VPS13B: variants seen among roughly 807,000 people sequenced by gnomAD.
The protein encoded by VPS13B is intermembrane lipid transfer protein VPS13B.
In VPS13B, 285 loss-of-function variants were observed where a neutral mutation model predicts 426.4. The observed-to-expected ratio is 0.67, with a 90% CI of 0.61 to 0.74. VPS13B has a LOEUF of 0.74. Ranked by LOEUF, VPS13B falls within the 30% of genes least tolerant of loss-of-function variation. VPS13B has a pLI of 0.00. For missense variants in VPS13B, 4,537 were observed against 4,782.6 expected (o/e 0.95, Z 1.51); for synonymous variants, 1,676 against 1,676.4 (o/e 1.00, Z 0.01).
chr8:99,208,483 C>G (rs777190042), intron 17 of VPS13B, among the ~76,000 whole-genome samples: 3 of 151,850 alleles, frequency 2.0e-5, no homozygotes, highest in Non-Finnish European at 4.4e-5. Context: ...CTGATTCTAT[C>G]TTTTTATAGT....
At chr8:99,439,181 T>G (rs1223637888) in intron 22 of VPS13B, among the ~76,000 whole-genome samples, 2 of 152,160 alleles carry the variant, frequency 1.3e-5, no homozygotes, top group African/African-American at 4.8e-5. Flanking sequence ...GAAGCAATTA[T>G]TTTCATTACC....
chr8:99,737,173 T>G (rs1476295121), intron 39 of VPS13B, among the ~76,000 whole-genome samples: 2 of 120,412 alleles, frequency 1.7e-5, no homozygotes, highest in Non-Finnish European at 3.2e-5. Context: ...CAGGCTGGAG[T>G]GCAGGGGCGC....
chr8:99,816,658 G>A (rs1429782900), intron 44 of VPS13B, among the ~76,000 whole-genome samples: 1 of 151,944 alleles, frequency 6.6e-6, no homozygotes, highest in Non-Finnish European at 1.5e-5. Context: ...ACAAAAGTTA[G>A]CGAGGTGGGG....
chr8:99,593,089 T>G (rs779141506), intron 33 of VPS13B, among the ~76,000 whole-genome samples: 9 of 152,142 alleles, frequency 5.9e-5, no homozygotes, highest in Non-Finnish European at 8.8e-5. Context: ...AAGGAACTTC[T>G]GCACAGCAAT....
At chr8:99,231,443 C>A (rs1816318137) in intron 17 of VPS13B, among the ~76,000 whole-genome samples, 1 of 152,234 alleles carries the variant, frequency 6.6e-6, no homozygotes, top group South Asian at 2.1e-4. Flanking sequence ...ATGGCACATA[C>A]CCTATTAAAA....
At chr8:99,216,281 C>T (rs565603425) in intron 17 of VPS13B, among the ~76,000 whole-genome samples, 1 of 152,206 alleles carries the variant, frequency 6.6e-6, no homozygotes, top group Non-Finnish European at 1.5e-5. Flanking sequence ...CTGTGTTATT[C>T]ACTTTTCCTG....
intron 21 of VPS13B, among the ~76,000 whole-genome samples, chr8:99,414,043 T>C (rs1815846157): frequency 6.6e-6 from 1 of 152,200 alleles, no homozygotes; most frequent in African/African-American, 2.4e-5. Flanking sequence ...AGTGTCCCAC[T>C]ATTATTGTGT....
intron 21 of VPS13B, among the ~76,000 whole-genome samples, chr8:99,410,727 C>T (rs545248871): frequency 3.3e-5 from 5 of 152,204 alleles, no homozygotes; most frequent in South Asian, 2.1e-4. Flanking sequence ...TCCCACCCCA[C>T]GATGGGGGCC....
intron 30 of VPS13B, among the ~76,000 whole-genome samples, chr8:99,536,446 A>G (rs1473125532): frequency 6.6e-6 from 1 of 152,176 alleles, no homozygotes; most frequent in Admixed American, 6.5e-5. Flanking sequence ...CCTAGCATAT[A>G]CCCTAATAAC....
chr8:99,374,384 T>A (rs1260436646), intron 19 of VPS13B, among the ~76,000 whole-genome samples: 1 of 152,064 alleles, frequency 6.6e-6, no homozygotes, highest in Non-Finnish European at 1.5e-5. Context: ...TTTTATACTT[T>A]CTCTCTGCTA....
intron 17 of VPS13B, among the ~76,000 whole-genome samples, chr8:99,223,476 A>T (rs937558239): frequency 7.9e-5 from 12 of 152,170 alleles, no homozygotes; most frequent in Admixed American, 7.9e-4. Flanking sequence ...TGTACAAATG[A>T]GAATACGAGA....
At chr8:99,866,221 C>T (rs539566841) in intron 58 of VPS13B, among the ~76,000 whole-genome samples, 22 of 152,218 alleles carry the variant, frequency 1.4e-4, no homozygotes, top group Admixed American at 3.9e-4. Flanking sequence ...CCATAATTTA[C>T]CAGTTGTGGG....
At chr8:99,335,830 G>T (rs1439082311) in intron 19 of VPS13B, among the ~76,000 whole-genome samples, 1 of 152,096 alleles carries the variant, frequency 6.6e-6, no homozygotes, top group African/African-American at 2.4e-5. Flanking sequence ...CCTCTTCAAG[G>T]AGAACTACAA....
chr8:99,180,433 C>A (rs1394667581), intron 16 of VPS13B, among the ~76,000 whole-genome samples: 2 of 152,030 alleles, frequency 1.3e-5, no homozygotes, highest in East Asian at 3.9e-4. Flanking sequence ...TTTCATGGAG[C>A]CAATATTCTG....
At position 99,766,895 on chromosome 8, in the gene VPS13B, A is replaced by AC; in HGVS notation, c.7174dup (p.Gln2392ProfsTer22). On this transcript the variant is annotated frameshift_variant, in exon 40 of 62. Transcript: ENST00000357162. LOFTEE classifies it high-confidence loss of function. The stretch of plus-strand genomic sequence containing the variant: ...TTGCCGGATATCAATCTCGTGAATG[A>AC]CCAGAAGAAATTAGTATCTTCAGAT... 1 of 1,614,066 alleles carries AC rather than the reference A, an allele frequency of 6.2e-7. No individual in the cohort carries two copies. Among genetic ancestry groups the AC allele is most frequent in the Non-Finnish European group, 8.5e-7 (1 of 1,179,962 alleles).
intron 19 of VPS13B, chr8:99,347,539 T>C (rs1811606940): frequency 6.6e-6 from 1 of 152,224 alleles, no homozygotes; most frequent in African/African-American, 2.4e-5. Flanking sequence ...ATCAGGCCAA[T>C]GTATGAGATG....
At chr8:99,601,452 A>G (rs1018359771) in intron 33 of VPS13B, among the ~76,000 whole-genome samples, 10 of 152,214 alleles carry the variant, frequency 6.6e-5, no homozygotes, top group African/African-American at 1.9e-4. Context: ...TAGTGCTGCA[A>G]TAAACATACG....
intron 15 of VPS13B, among the ~76,000 whole-genome samples, chr8:99,163,043 A>G (rs55837765): frequency 0.17 from 26,392 of 152,054 alleles, 2,798 homozygotes; most frequent in East Asian, 0.38. Flanking sequence ...GAGCGGCTAG[A>G]TACAGAGTGT....
At chr8:99,733,882 A>G (rs1423816207) in intron 39 of VPS13B, among the ~76,000 whole-genome samples, 4 of 152,220 alleles carry the variant, frequency 2.6e-5, no homozygotes, top group Non-Finnish European at 5.9e-5. Flanking sequence ...TAATTCACAC[A>G]TCATACAATT....
Sources: gnomAD v4.1 joint callset for allele counts (sites outside exome capture counted in the v4.1 genomes callset) on GRCh38, gnomAD v4.1.1 for gene constraint, MANE v1.5 for transcripts, NCBI Gene and HGNC (gene_info 2026-07-23, HGNC 2026-07-21) for gene names.